The following PRKAR2A variants were observed in gnomAD, a reference collection of about 807,000 sequenced individuals.
The protein encoded by PRKAR2A is cAMP-dependent protein kinase type II-alpha regulatory subunit.
A neutral mutation model predicts 51.9 loss-of-function variants in PRKAR2A; 29 were observed. The ratio of observed to expected loss-of-function variants is 0.56; its 90% confidence interval spans 0.42 to 0.76. The LOEUF (loss-of-function observed/expected upper bound fraction) is 0.76. Ranked by LOEUF, PRKAR2A falls within the 30% of genes least tolerant of loss-of-function variation. The pLI, the probability that PRKAR2A is intolerant of heterozygous loss-of-function variation, is 0.00. For missense variants in PRKAR2A, 445 were observed against 512.1 expected (o/e 0.87, Z 1.26); for synonymous variants, 178 against 186.2 (o/e 0.96, Z 0.36).
Position 48,749,892 on chromosome 3 carries a change from T to G in PRKAR2A, c.*1693A>C, listed in dbSNP as rs2081618801. The G allele has an allele frequency of 6.6e-6, 1 of 151,912 alleles. No homozygotes were observed. Among genetic ancestry groups the G allele is most frequent in the Non-Finnish European group, 1.5e-5 (1 of 68,044 alleles). 9.4% of individuals were successfully genotyped at this position (151,912 alleles called of 1,614,324 possible). ...AAATTACCTAAAGAATAATTTTTTT[T>G]CTTTCTTTTTTTTTTTTTAAGAGAC... On this transcript the variant is annotated 3_prime_UTR_variant, in exon 11 of 11. Coordinates refer to ENST00000265563, the MANE Select transcript of PRKAR2A (RefSeq NM_004157.4).
In PRKAR2A at chr3:48,847,844, G is replaced by GCTGGACGGGCGGGGCAGGCGTC; in HGVS notation, c.-270_-249dup. 1 of 358,048 alleles carries GCTGGACGGGCGGGGCAGGCGTC rather than the reference G, an allele frequency of 2.8e-6. No homozygotes were observed. The highest frequency in any genetic ancestry group is 4.9e-6 in the Non-Finnish European group (1 of 203,160). The allele number at this position is 358,048 out of a possible 1,614,324, so 22.2% of individuals were successfully genotyped here. A position where few individuals can be genotyped will look rare whatever the true frequency, so the allele number is the denominator to read the frequency against. ...GCCGCGGGGACCGACGGGCAGGCGA[G>GCTGGACGGGCGGGGCAGGCGTC]CTGGACGGGCGGGGCAGGCGTCCTG... On this transcript the variant is annotated 5_prime_UTR_variant, in exon 1 of 11. Coordinates refer to ENST00000265563, the MANE Select transcript of PRKAR2A (RefSeq NM_004157.4). This position sits in a 1 kb window ranked among gnomAD's most constrained non-coding sequence, Gnocchi z 4.4.
At chr3:48,775,906 G>A (rs1011690052) in intron 5 of PRKAR2A, among the ~76,000 whole-genome samples, 7 of 152,062 alleles carry the variant, frequency 4.6e-5, no homozygotes, top group Middle Eastern at 3.4e-3. Context: ...TCAGGAGTTC[G>A]AGACCAGCCT....
At chr3:48,761,289 C>CA (rs1287451392) in intron 8 of PRKAR2A, among the ~76,000 whole-genome samples, 2 of 151,862 alleles carry the variant, frequency 1.3e-5, no homozygotes, top group African/African-American at 4.8e-5. Context: ...CTCAAAAAAA[C>CA]AAAACAAAAA....
intron 1 of PRKAR2A, among the ~76,000 whole-genome samples, chr3:48,829,879 T>TATATACA (rs1559647006): frequency 1.0e-5 from 1 of 98,764 alleles, no homozygotes; most frequent in Non-Finnish European, 2.2e-5. Context: ...ATATTTTTTT[T>TATATACA]TTTTTTTTAA....
At chr3:48,745,174 C>CTT (rs111854982), downstream of PRKAR2A, among the ~76,000 whole-genome samples, 13 of 128,136 alleles carry the variant, frequency 1.0e-4, no homozygotes, top group Admixed American at 7.1e-4. Context: ...CGCACCCAGC[C>CTT]TTTTTTTTTT....
rs2081640393 is a variant in PRKAR2A at position 48,751,062 on chromosome 3, C to T, written c.*523G>A. 1.2e-5 allele frequency: 4 copies of T among 346,570 alleles called. No homozygotes were observed. The highest frequency in any genetic ancestry group is 6.9e-5 in the South Asian group (3 of 43,724). 21.5% of individuals were successfully genotyped at this position (346,570 alleles called of 1,614,324 possible). The stretch of plus-strand genomic sequence containing the variant: ...CTGGGCTACATATGTCCATATCATC[C>T]ACCACCATTTCCCACTGTAAAACCA... On this transcript the variant is annotated 3_prime_UTR_variant, in exon 11 of 11. Coordinates refer to ENST00000265563, the MANE Select transcript of PRKAR2A (RefSeq NM_004157.4).
rs768399019 is a variant in PRKAR2A, at chr3:48,752,298, C to G, written c.959G>C (p.Gly320Ala). Reference sequence around the variant, plus strand: ...GGCAATCTCGACCTCCTGGTTCCCACCATCCTTGTTTGATTTAGTCTACAG... The same window carrying G: ...GGCAATCTCGACCTCCTGGTTCCCAGCATCCTTGTTTGATTTAGTCTACAG... The part of the protein sequence containing the change: ...IRSRTKSNKD[G>A]GNQEVEIARC... The change falls in exon 10 of 11, where the codon GGT becomes GCT. Residue 320 changes from glycine (G) to alanine (A), a missense_variant. Transcript: ENST00000265563. The G allele has an allele frequency of 2.6e-5, 42 of 1,613,928 alleles. No individual in the cohort carries two copies. The East Asian group carries it at 9.4e-4, about 36-fold the overall frequency.
intron 7 of PRKAR2A, 63 bp from the exon 8 acceptor site, chr3:48,765,141 A>C: frequency 1.3e-6 from 2 of 1,558,200 alleles, no homozygotes; most frequent in Non-Finnish European, 1.8e-6. Context: ...ATAGCTATGC[A>C]GCACAGAAAT....
intron 5 of PRKAR2A, among the ~76,000 whole-genome samples, chr3:48,776,297 A>C (rs1400234204): frequency 6.6e-6 from 1 of 152,122 alleles, no homozygotes; most frequent in Non-Finnish European, 1.5e-5. Context: ...CCTTAAAAAG[A>C]CCCTTTGATA....
chr3:48,808,366 G>A (rs1406343419), intron 1 of PRKAR2A, among the ~76,000 whole-genome samples: 1 of 152,194 alleles, frequency 6.6e-6, no homozygotes, highest in African/African-American at 2.4e-5. Flanking sequence ...CCATTCTCCT[G>A]CCTCAGCCTC....
intron 3 of PRKAR2A, among the ~76,000 whole-genome samples, chr3:48,793,572 A>G (rs1256696019): frequency 1.4e-5 from 2 of 140,792 alleles, no homozygotes; most frequent in African/African-American, 5.3e-5. Context: ...CATGCCCAGC[A>G]TTTTTTTTTT....
rs1432344587 is a variant in PRKAR2A, at chr3:48,845,578, T to C, written c.262+1757A>G. 8.5e-5 allele frequency among the ~76,000 whole-genome samples: 13 copies of C among 152,252 alleles called. 1 individual carries two copies. Among genetic ancestry groups the C allele is most frequent in the Admixed American group, 5.2e-4 (8 of 15,280 alleles). ...AAAGTAGGCCAATTCTACTGTTAAA[T>C]TGACAAAGCATATGTTGAAGCAACC... On this transcript the variant is annotated intron_variant, in intron 1 of 10. Transcript: ENST00000265563.
intron 9 of PRKAR2A, among the ~76,000 whole-genome samples, chr3:48,752,916 CTTTTTTTTTTTTTTTT>C (rs59163654): frequency 1.1e-3 from 53 of 47,550 alleles, no homozygotes; most frequent in Admixed American, 1.9e-3. Context: ...TTCCCTCCTC[CTTTTTTTTTTTTTTTT>C]TTTTTTTTTT....
intron 10 of PRKAR2A, 78 bp from the exon 11 acceptor site, chr3:48,751,796 C>A: frequency 6.6e-7 from 1 of 1,515,416 alleles, no homozygotes; most frequent in East Asian, 2.3e-5. Flanking sequence ...TAAACATACC[C>A]ATTCATGTTG....
intron 1 of PRKAR2A, among the ~76,000 whole-genome samples, chr3:48,834,378 A>G (rs1193219280): frequency 3.3e-5 from 5 of 152,146 alleles, no homozygotes; most frequent in African/African-American, 1.2e-4. Context: ...AAAAAACAAT[A>G]ACAAACAAAA....
At chr3:48,813,987 G>A (rs548654046) in intron 1 of PRKAR2A, among the ~76,000 whole-genome samples, 1 of 152,132 alleles carries the variant, frequency 6.6e-6, no homozygotes, top group South Asian at 2.1e-4. Context: ...AGGGCCAGGC[G>A]CAGTGTAATC....
At chr3:48,835,690 T>G (rs1273734994) in intron 1 of PRKAR2A, among the ~76,000 whole-genome samples, 3 of 145,962 alleles carry the variant, frequency 2.1e-5, no homozygotes, top group Non-Finnish European at 3.0e-5. Flanking sequence ...GCCTACAGGC[T>G]GAGGCAGGAG....
At chr3:48,808,766 C>A (rs2082722879) in intron 1 of PRKAR2A, among the ~76,000 whole-genome samples, 1 of 128,224 alleles carries the variant, frequency 7.8e-6, no homozygotes, top group South Asian at 2.7e-4. Flanking sequence ...ATCCACCCAC[C>A]TTGGCCTCCC....
At chr3:48,826,964 A>T (rs2083078966) in intron 1 of PRKAR2A, among the ~76,000 whole-genome samples, 1 of 152,134 alleles carries the variant, frequency 6.6e-6, no homozygotes, top group African/African-American at 2.4e-5. Context: ...ATCCAAGGCC[A>T]CTGATGCCCA....
Sources: allele counts gnomAD v4.1 joint callset (sites outside exome capture counted in the v4.1 genomes callset), GRCh38; gene constraint gnomAD v4.1.1; non-coding constraint Gnocchi (gnomAD v3.1); transcripts MANE v1.5; gene names NCBI Gene and HGNC (gene_info 2026-07-23, HGNC 2026-07-21).